LSAMP: variants seen among roughly 807,000 people sequenced by gnomAD.
LSAMP encodes the protein limbic system-associated membrane protein.
LSAMP carries 7 observed loss-of-function variants against 38.6 expected under a neutral mutation model. The ratio of observed to expected loss-of-function variants is 0.18; its 90% CI spans 0.10 to 0.34. The LOEUF (loss-of-function observed/expected upper bound fraction) is 0.34, where lower values mean the gene tolerates loss of function less well. LSAMP is among the 10% of genes least tolerant of loss of function. The pLI is 1.00. For missense variants in LSAMP, 313 were observed against 420.0 expected (o/e 0.75, Z 2.23); for synonymous variants, 154 against 166.8 (o/e 0.92, Z 0.59).
At chr3:116,424,231 C>T (rs2049165822) in intron 1 of LSAMP, among the ~76,000 whole-genome samples, 1 of 152,126 alleles carries the variant, frequency 6.6e-6, no homozygotes, top group Non-Finnish European at 1.5e-5. Context: ...TGTGACATGT[C>T]TTTAGAAGTT....
intron 1 of LSAMP, among the ~76,000 whole-genome samples, chr3:116,246,041 C>A (rs1254766660): frequency 2.0e-5 from 3 of 152,098 alleles, no homozygotes; most frequent in African/African-American, 7.2e-5. Context: ...TCATCCAGTC[C>A]AAACTCTTTA....
At position 115,804,987 on chromosome 3, in the gene LSAMP, C is replaced by A. The variant is rs1003717309; in HGVS notation, c.*5330G>T. 2 of 152,178 alleles carry A rather than the reference C, an allele frequency of 1.3e-5. No homozygotes were observed. Among genetic ancestry groups the A allele is most frequent in the South Asian group, 4.1e-4 (2 of 4,834 alleles). 9.4% of individuals were successfully genotyped at this position (152,178 alleles called of 1,614,324 possible). On this transcript the variant is annotated 3_prime_UTR_variant, in exon 7 of 7. Transcript: ENST00000490035. ...AATTTCTTAGAATCCAGATGGCAAG[C>A]TTTCCCACTGCTTTTGTTGAATGGA...
At chr3:115,874,296 G>A (rs1936126151) in intron 3 of LSAMP, among the ~76,000 whole-genome samples, 1 of 152,036 alleles carries the variant, frequency 6.6e-6, no homozygotes, top group African/African-American at 2.4e-5. Flanking sequence ...CTCTCCTTTA[G>A]GAAGTCTGTC....
At chr3:116,379,017 A>ACACACACT in intron 1 of LSAMP, among the ~76,000 whole-genome samples, 1 of 151,298 alleles carries the variant, frequency 6.6e-6, no homozygotes, top group African/African-American at 2.4e-5. Flanking sequence ...ACACACACAC[A>ACACACACT]CACACACACA....
chr3:115,886,300 C>T (rs537802839), intron 3 of LSAMP, among the ~76,000 whole-genome samples: 3 of 152,062 alleles, frequency 2.0e-5, no homozygotes, highest in Non-Finnish European at 4.4e-5. Context: ...AAACAGTGCA[C>T]GAGGTATGTA....
intron 1 of LSAMP, among the ~76,000 whole-genome samples, chr3:116,428,851 C>CT (rs1312779774): frequency 6.6e-6 from 1 of 152,172 alleles, no homozygotes; most frequent in African/African-American, 2.4e-5. Context: ...GATGTTTCCA[C>CT]TGGGAATTTG....
intron 1 of LSAMP, among the ~76,000 whole-genome samples, chr3:116,251,586 C>T (rs952289559): frequency 3.9e-5 from 6 of 152,192 alleles, no homozygotes; most frequent in Admixed American, 3.9e-4. Flanking sequence ...CTACAGAGGG[C>T]AGCTCCTTTA....
chr3:116,262,910 G>A (rs2046842448), intron 1 of LSAMP, among the ~76,000 whole-genome samples: 1 of 152,182 alleles, frequency 6.6e-6, no homozygotes, highest in Admixed American at 6.5e-5. Flanking sequence ...AGGGATTGAG[G>A]ACTTCAGATA....
At chr3:116,102,712 G>A (rs1576363521) in intron 1 of LSAMP, among the ~76,000 whole-genome samples, 1 of 151,958 alleles carries the variant, frequency 6.6e-6, no homozygotes, top group East Asian at 1.9e-4. Flanking sequence ...CAGCTTATTG[G>A]CTGTAGATTT....
At chr3:115,942,740 C>T (rs140479825) in intron 3 of LSAMP, among the ~76,000 whole-genome samples, 36 of 152,218 alleles carry the variant, frequency 2.4e-4, no homozygotes, top group African/African-American at 4.6e-4. Context: ...CCTAGGAATA[C>T]GTATTTTTAA....
chr3:115,812,861 C>T lies in LSAMP; in HGVS notation c.920-2447G>A, dbSNP rs1933883531. Among the ~76,000 whole-genome samples, 3 of 152,094 alleles carry T rather than the reference C, an allele frequency of 2.0e-5. No homozygotes were observed. The South Asian group carries it at 6.2e-4, about 32-fold the overall frequency. On this transcript the variant is annotated intron_variant, in intron 6 of 6. Transcript: ENST00000490035. ...GAATGATATCTTGGGAAGGTTAAGA[C>T]TAGTCTTATCATTTTATTTGACAGT...
intron 1 of LSAMP, among the ~76,000 whole-genome samples, chr3:116,119,996 C>T (rs1399528761): frequency 3.3e-5 from 5 of 151,974 alleles, no homozygotes; most frequent in Non-Finnish European, 5.9e-5. Context: ...AAAGAGGAGG[C>T]CATGTCATGT....
chr3:116,263,783 A>AATCT (rs2107661368), intron 1 of LSAMP, among the ~76,000 whole-genome samples: 1 of 152,192 alleles, frequency 6.6e-6, no homozygotes, highest in East Asian at 1.9e-4. Flanking sequence ...CACTTGTATT[A>AATCT]ATCTTCATAG....
chr3:116,256,706 TTCTC>T (rs1429559165), intron 1 of LSAMP, among the ~76,000 whole-genome samples: 2 of 152,174 alleles, frequency 1.3e-5, no homozygotes, highest in African/African-American at 2.4e-5. Context: ...TCTCTTTTCT[TTCTC>T]TCTTCTGTGT....
intron 1 of LSAMP, among the ~76,000 whole-genome samples, chr3:116,414,366 A>G: frequency 6.6e-6 from 1 of 152,114 alleles, no homozygotes; most frequent in Non-Finnish European, 1.5e-5. Flanking sequence ...TGTATTTTAC[A>G]GCACAATTCT....
At chr3:116,316,694 C>CTGG (rs2047633097) in intron 1 of LSAMP, among the ~76,000 whole-genome samples, 1 of 150,108 alleles carries the variant, frequency 6.7e-6, no homozygotes, top group Non-Finnish European at 1.5e-5. Context: ...TCGTTTGAAC[C>CTGG]CGGGAGGCAG....
intron 1 of LSAMP, among the ~76,000 whole-genome samples, chr3:116,291,933 G>C (rs1224714682): frequency 6.6e-6 from 1 of 152,108 alleles, no homozygotes; most frequent in Non-Finnish European, 1.5e-5. Flanking sequence ...ACAACTGTTT[G>C]GACTTTTGGT....
At chr3:116,295,880 A>G (rs998719916) in intron 1 of LSAMP, among the ~76,000 whole-genome samples, 2 of 152,204 alleles carry the variant, frequency 1.3e-5, no homozygotes, top group Non-Finnish European at 2.9e-5. Context: ...TAAGAAGGGG[A>G]CTAGAGTGTT....
intron 3 of LSAMP, among the ~76,000 whole-genome samples, chr3:116,018,096 C>A (rs775287442): frequency 2.0e-5 from 3 of 151,878 alleles, no homozygotes; most frequent in East Asian, 1.9e-4. Context: ...AATAAGTATG[C>A]GAGTCAATGA....
Sources: allele counts gnomAD v4.1 joint callset (sites outside exome capture counted in the v4.1 genomes callset), GRCh38; gene constraint gnomAD v4.1.1; transcripts MANE v1.5; gene names NCBI Gene and HGNC (gene_info 2026-07-23, HGNC 2026-07-21).